JARID2: variants seen among roughly 807,000 people sequenced by gnomAD.
JARID2 encodes protein Jumonji.
Under a neutral mutation model 125.6 loss-of-function variants are expected in JARID2, and 21 were observed. The observed-to-expected ratio is 0.17, with a 90% CI of 0.12 to 0.24. JARID2 has a LOEUF of 0.24. JARID2 is among the 10% of genes least tolerant of loss of function. The pLI is 1.00. For missense variants in JARID2, 1,303 were observed against 1,639.6 expected, an observed-to-expected ratio of 0.79 and a Z score of 3.55; for synonymous variants, 736 against 661.6, an observed-to-expected ratio of 1.11 and a Z score of -1.73.
At chr6:15,246,821 A>G (rs555250670) in intron 1 of JARID2, among the ~76,000 whole-genome samples, 12 of 152,330 alleles carry the variant, frequency 7.9e-5, no homozygotes, top group Non-Finnish European at 1.0e-4. Flanking sequence ...TGACACAACC[A>G]TAATCTACTT....
At chr6:15,287,092 C>T (rs993038344) in intron 1 of JARID2, among the ~76,000 whole-genome samples, 2 of 152,110 alleles carry the variant, frequency 1.3e-5, no homozygotes, top group African/African-American at 2.4e-5. Flanking sequence ...CGTCATTGAA[C>T]TCCAGCCTGG....
At chr6:15,490,089 C>G (rs1345297703) in intron 6 of JARID2, among the ~76,000 whole-genome samples, 1 of 152,218 alleles carries the variant, frequency 6.6e-6, no homozygotes, top group African/African-American at 2.4e-5. Context: ...TTCAAACCCT[C>G]AGATCCTATT....
intron 1 of JARID2, among the ~76,000 whole-genome samples, chr6:15,355,337 T>C (rs1763561255): frequency 6.6e-6 from 1 of 152,234 alleles, no homozygotes; most frequent in South Asian, 2.1e-4. Flanking sequence ...TCTTAAAATT[T>C]TTACTCAAAG....
intron 5 of JARID2, among the ~76,000 whole-genome samples, chr6:15,470,873 G>T (rs1008961094): frequency 6.6e-6 from 1 of 152,218 alleles, no homozygotes; most frequent in Non-Finnish European, 1.5e-5. Context: ...CACCAGTGTG[G>T]AGGTCTACTG....
intron 3 of JARID2, among the ~76,000 whole-genome samples, chr6:15,432,449 AAACAACAACAAC>A (rs35484962): frequency 7.5e-4 from 109 of 145,146 alleles, no homozygotes; most frequent in African/African-American, 2.2e-3. Context: ...TCACCTTCAA[AAACAACAACAAC>A]AACAACAACA....
rs148197114 is a variant in JARID2, at chr6:15,507,763, C to T, written c.2731+347C>T. Among the ~76,000 whole-genome samples the T allele has an allele frequency of 3.1e-4, 47 of 152,228 alleles. No individual in the cohort carries two copies. The East Asian group carries it at 8.3e-3, about 27-fold the overall frequency. On this transcript the variant is annotated intron_variant, in intron 11 of 17. Coordinates refer to ENST00000341776, the MANE Select transcript of JARID2 (RefSeq NM_004973.4). ...GAATTCTCAGGATGGTCAGTAGGCT[C>T]GTAAGGGACGGATGGATGCTTTGCA...
intron 6 of JARID2, among the ~76,000 whole-genome samples, chr6:15,490,649 G>A (rs1406942877): frequency 6.6e-6 from 1 of 152,222 alleles, no homozygotes; most frequent in African/African-American, 2.4e-5. Context: ...GTGCCCCTGG[G>A]TAATAATTTG....
At position 15,404,000 on chromosome 6, in the gene JARID2, T is replaced by C. The variant is rs1334244555; in HGVS notation, c.182-6224T>C. Among the ~76,000 whole-genome samples, 3 of 152,298 alleles carry C rather than the reference T, an allele frequency of 2.0e-5. No homozygotes were observed. In the East Asian group the frequency reaches 5.8e-4, roughly 29 times the overall value. ...TAGACAAAGGGGAGCCCTAGTCGGC[T>C]CAGGGGCTGGTCTCATAAGGGAAAG... On this transcript the variant is annotated intron_variant, in intron 2 of 17. Transcript: ENST00000341776.
At chr6:15,453,045 TAAA>T (rs1767993361) in intron 4 of JARID2, among the ~76,000 whole-genome samples, 1 of 152,192 alleles carries the variant, frequency 6.6e-6, no homozygotes, top group South Asian at 2.1e-4. Flanking sequence ...AAGTTAACCT[TAAA>T]AAGTTTCCAC....
chr6:15,470,101 C>T (rs575411890), intron 5 of JARID2, among the ~76,000 whole-genome samples: 10 of 150,246 alleles, frequency 6.7e-5, no homozygotes, highest in East Asian at 2.0e-4. Flanking sequence ...GGCGTGAACC[C>T]GGGAGGCGGA....
chr6:15,348,160 C>T (rs707834), intron 1 of JARID2, among the ~76,000 whole-genome samples: 120,227 of 151,520 alleles, frequency 0.79, 47,733 homozygotes, highest in East Asian at 0.84. Context: ...GGTGTGATCT[C>T]GGCTCACTGC....
At chr6:15,355,907 G>A (rs538498160) in intron 1 of JARID2, among the ~76,000 whole-genome samples, 3 of 152,128 alleles carry the variant, frequency 2.0e-5, no homozygotes, top group Non-Finnish European at 2.9e-5. Context: ...CAGTGTGCCC[G>A]GCCACTTAGT....
At chr6:15,313,908 G>A (rs907858371) in intron 1 of JARID2, among the ~76,000 whole-genome samples, 17 of 152,176 alleles carry the variant, frequency 1.1e-4, no homozygotes, top group African/African-American at 3.6e-4. Context: ...TTTGGCCTGT[G>A]TCTCCCCAAA....
intron 1 of JARID2, among the ~76,000 whole-genome samples, chr6:15,303,736 A>G (rs1487206936): frequency 1.3e-5 from 2 of 152,236 alleles, no homozygotes; most frequent in African/African-American, 4.8e-5. Context: ...TCACTATTAA[A>G]CAAAACAAGC....
intron 1 of JARID2, among the ~76,000 whole-genome samples, chr6:15,269,608 G>C (rs1410941087): frequency 6.8e-6 from 1 of 147,626 alleles, no homozygotes; most frequent in East Asian, 2.0e-4. Flanking sequence ...ATGGGGTCTA[G>C]CATTGTTTCC....
chr6:15,458,810 G>A (rs542223648), intron 4 of JARID2, among the ~76,000 whole-genome samples: 1 of 152,342 alleles, frequency 6.6e-6, no homozygotes, highest in African/African-American at 2.4e-5. Context: ...GCTGGGAAGG[G>A]GTTCTGCAGA....
Position 15,281,373 on chromosome 6 carries a change from A to G in JARID2, c.45+34789A>G, listed in dbSNP as rs574971754. Among the ~76,000 whole-genome samples, 27 of 152,364 alleles carry G rather than the reference A, an allele frequency of 1.8e-4. No individual in the cohort carries two copies. The East Asian group carries it at 3.7e-3, about 21-fold the overall frequency. ...TGTCCAAGAGCAAAAGAACGTGAAT[A>G]CATTGTGGTATGTGTGAATTCACAA... is the stretch of plus-strand genomic sequence containing the variant. On this transcript the variant is annotated intron_variant, in intron 1 of 17. Coordinates refer to ENST00000341776, the MANE Select transcript of JARID2 (RefSeq NM_004973.4).
rs543152788 is a variant in JARID2, at chr6:15,415,433, C to T, written c.323+5068C>T. ...TCACCTCCCAGACGGGGCGGCTGGC[C>T]GGGCGGGGGGCTGACACCCCCACCT... On this transcript the variant is annotated intron_variant, in intron 3 of 17. Transcript: ENST00000341776. Among the ~76,000 whole-genome samples the T allele has an allele frequency of 9.1e-3, 1,378 of 150,726 alleles. 9 individuals are homozygous for T. Among genetic ancestry groups the T allele is most frequent in the Non-Finnish European group, 0.015 (1,023 of 67,376 alleles).
At chr6:15,473,262 A>C (rs1295270557) in intron 5 of JARID2, among the ~76,000 whole-genome samples, 2 of 152,176 alleles carry the variant, frequency 1.3e-5, no homozygotes, top group Non-Finnish European at 2.9e-5. Flanking sequence ...AATGAGAAAA[A>C]TGTAAGCCCC....
Sources: gnomAD v4.1 joint callset for allele counts (sites outside exome capture counted in the v4.1 genomes callset) on GRCh38, gnomAD v4.1.1 for gene constraint, MANE v1.5 for transcripts, NCBI Gene and HGNC (gene_info 2026-07-23, HGNC 2026-07-21) for gene names.